The following SCAPER variants were observed in gnomAD, a reference collection of about 807,000 sequenced individuals.
SCAPER encodes the protein S phase cyclin A-associated protein in the endoplasmic reticulum.
Under a neutral mutation model 182.2 loss-of-function variants are expected in SCAPER, and 98 were observed. The observed-to-expected ratio is 0.54, with a 90% CI of 0.46 to 0.64. The LOEUF (loss-of-function observed/expected upper bound fraction) is 0.64, where lower values mean the gene tolerates loss of function less well. SCAPER is among the 30% of genes least tolerant of loss of function. The pLI is 0.00. For missense variants in SCAPER, 1,432 were observed against 1,690.0 expected, an observed-to-expected ratio of 0.85 and a Z score of 2.68; for synonymous variants, 605 against 564.6, an observed-to-expected ratio of 1.07 and a Z score of -1.01.
intron 28 of SCAPER, 28 bp from the exon 29 acceptor site, chr15:76,376,339 C>A (rs1445508517): frequency 4.4e-6 from 7 of 1,589,960 alleles, no homozygotes; most frequent in Non-Finnish European, 6.0e-6. Flanking sequence ...CAGTTAGAAG[C>A]CCTCAGCCCA....
chr15:76,809,586 A>G (rs2066438431), intron 5 of SCAPER, among the ~76,000 whole-genome samples: 1 of 152,314 alleles, frequency 6.6e-6, no homozygotes, highest in East Asian at 1.9e-4. Context: ...AATGACAAAG[A>G]GTAAAGAAAG....
chr15:76,381,513 G>C lies in SCAPER; in HGVS notation c.3570C>G (p.Val1190=). Residue 1190 remains valine, a synonymous_variant, in exon 28 of 32, where the codon GTC becomes GTG. Transcript: ENST00000563290. ...LAGVLHMLYC[V]LFHGTILDPS... ...GGTCCAAGATGGTGCCATGGAAGAG[G>C]ACACAGTAGAGCATATGAAGAACTC... The C allele has an allele frequency of 6.2e-7, 1 of 1,613,334 alleles. No individual in the cohort carries two copies. Among genetic ancestry groups the C allele is most frequent in the South Asian group, 1.1e-5 (1 of 90,894 alleles).
intron 2 of SCAPER, among the ~76,000 whole-genome samples, chr15:76,873,342 GC>G (rs2072904300): frequency 1.4e-5 from 1 of 71,366 alleles, no homozygotes; most frequent in African/African-American, 5.0e-5. Flanking sequence ...AGGCAGGCAG[GC>G]AGGCAGGCAG....
At chr15:76,491,790 C>A (rs1202885029) in intron 24 of SCAPER, among the ~76,000 whole-genome samples, 1 of 152,154 alleles carries the variant, frequency 6.6e-6, no homozygotes, top group Non-Finnish European at 1.5e-5. Context: ...TGCCACCACA[C>A]CCGGCTAATT....
rs530469682 is a variant in SCAPER, at chr15:76,868,981, C to A, written c.7-6448G>T. On this transcript the variant is annotated intron_variant, in intron 2 of 31. Coordinates refer to ENST00000563290, the MANE Select transcript of SCAPER (RefSeq NM_020843.4). ...ACCCATGCATTTACAGCCAACTAATCTTTGACAAAGTTGACAGGAACATAC... is the reference window on the plus strand; with the variant it reads ...ACCCATGCATTTACAGCCAACTAATATTTGACAAAGTTGACAGGAACATAC... Among the ~76,000 whole-genome samples, 13 of 152,258 alleles carry A rather than the reference C, an allele frequency of 8.5e-5. No individual in the cohort carries two copies. The South Asian group carries it at 2.5e-3, about 29-fold the overall frequency.
intron 25 of SCAPER, among the ~76,000 whole-genome samples, chr15:76,466,419 C>CTTTT: frequency 0.011 from 410 of 37,348 alleles, 6 homozygotes; most frequent in East Asian, 0.027. Flanking sequence ...GTTGGTTCTT[C>CTTTT]TTTTTTTTTT....
chr15:76,808,746 A>C (rs2066377766), intron 5 of SCAPER, among the ~76,000 whole-genome samples: 1 of 152,224 alleles, frequency 6.6e-6, no homozygotes, highest in Non-Finnish European at 1.5e-5. Context: ...TGAAGTCTCC[A>C]GTTAACCTGC....
chr15:76,681,793 G>A (rs1215402100), intron 20 of SCAPER, among the ~76,000 whole-genome samples: 1 of 152,180 alleles, frequency 6.6e-6, no homozygotes, highest in African/African-American at 2.4e-5. Flanking sequence ...GCTTAGAGGG[G>A]CGGTAGGGGC....
At chr15:76,353,269 A>G (rs1382045609) in intron 30 of SCAPER, among the ~76,000 whole-genome samples, 1 of 152,272 alleles carries the variant, frequency 6.6e-6, no homozygotes, top group Non-Finnish European at 1.5e-5. Flanking sequence ...ATGGTGGAAC[A>G]TGTGAAAGAA....
chr15:76,616,473 A>G (rs1490300741), intron 22 of SCAPER, among the ~76,000 whole-genome samples: 1 of 152,174 alleles, frequency 6.6e-6, no homozygotes, highest in East Asian at 1.9e-4. Flanking sequence ...TAGGAACAGG[A>G]GGTATGGGAA....
chr15:76,762,114 A>G (rs2062823375), intron 14 of SCAPER, among the ~76,000 whole-genome samples: 1 of 152,066 alleles, frequency 6.6e-6, no homozygotes, highest in Admixed American at 6.5e-5. Context: ...TTTGGTTACA[A>G]TTTACATGGA....
Position 76,603,914 on chromosome 15 carries a change from C to G in SCAPER, c.2711+17850G>C, listed in dbSNP as rs1418014416. On this transcript the variant is annotated intron_variant, in intron 22 of 31. Coordinates refer to ENST00000563290, the MANE Select transcript of SCAPER (RefSeq NM_020843.4). ...TGTAAATTTGAGTTCATTGTAGATT[C>G]TGGATATTAGCCCTTTGTCAGATGA... 4.1e-5 allele frequency among the ~76,000 whole-genome samples: 5 copies of G among 120,980 alleles called. 2 individuals carry two copies. The highest frequency in any genetic ancestry group is 6.0e-5 in the Non-Finnish European group (3 of 49,890). The allele number at this position is 120,980 out of a possible 152,430, so 79.4% of individuals were successfully genotyped here. A position where few individuals can be genotyped will look rare whatever the true frequency, so the allele number is the denominator to read the frequency against.
intron 2 of SCAPER, among the ~76,000 whole-genome samples, chr15:76,866,392 G>C (rs2072306591): frequency 6.6e-6 from 1 of 152,048 alleles, no homozygotes; most frequent in Admixed American, 6.6e-5. Context: ...TGTAACACTA[G>C]ACCAGAAAAC....
chr15:76,902,070 C>T (rs1309801930), intron 1 of SCAPER, among the ~76,000 whole-genome samples: 1 of 152,148 alleles, frequency 6.6e-6, no homozygotes, highest in Non-Finnish European at 1.5e-5. Context: ...TCTTTTCACT[C>T]TTTATATTTC....
intron 24 of SCAPER, among the ~76,000 whole-genome samples, chr15:76,496,502 T>C (rs2040558363): frequency 6.6e-6 from 1 of 152,236 alleles, no homozygotes; most frequent in Admixed American, 6.5e-5. Context: ...ATACATGATA[T>C]ATTTTCTTTT....
intron 15 of SCAPER, among the ~76,000 whole-genome samples, chr15:76,752,022 C>T (rs1353162606): frequency 2.0e-5 from 3 of 150,686 alleles, no homozygotes; most frequent in African/African-American, 7.3e-5. Context: ...ATACAGAAGT[C>T]TTAAAACTCC....
chr15:76,487,714 G>A (rs2051795530), intron 24 of SCAPER, among the ~76,000 whole-genome samples: 1 of 151,996 alleles, frequency 6.6e-6, no homozygotes, highest in Non-Finnish European at 1.5e-5. Flanking sequence ...AAAACCTCTA[G>A]GATTTAGATA....
At chr15:76,389,254 A>G (rs2043491905) in intron 27 of SCAPER, among the ~76,000 whole-genome samples, 1 of 151,488 alleles carries the variant, frequency 6.6e-6, no homozygotes, top group African/African-American at 2.4e-5. Flanking sequence ...TAATCCCAGA[A>G]CTTTGGGAGG....
chr15:76,877,711 C>T (rs1168293071), intron 2 of SCAPER, among the ~76,000 whole-genome samples: 1 of 152,106 alleles, frequency 6.6e-6, no homozygotes, highest in African/African-American at 2.4e-5. Flanking sequence ...AATATCTGTT[C>T]TGTAGTCTTC....
Sources: allele counts gnomAD v4.1 joint callset (sites outside exome capture counted in the v4.1 genomes callset), GRCh38; gene constraint gnomAD v4.1.1; transcripts MANE v1.5; gene names NCBI Gene and HGNC (gene_info 2026-07-23, HGNC 2026-07-21).